C16orf96: variants seen among roughly 807,000 people sequenced by gnomAD.
The protein encoded by C16orf96 is uncharacterized protein C16orf96.
Under a neutral mutation model 103.6 loss-of-function variants are expected in C16orf96, and 108 were observed. That is an observed-to-expected ratio of 1.04 (90% confidence interval 0.89 to 1.22). The LOEUF (loss-of-function observed/expected upper bound fraction) is 1.22, where lower values mean the gene tolerates loss of function less well. Ranked by LOEUF, C16orf96 falls within the 50% of genes most tolerant of loss-of-function variation. The probability of loss-of-function intolerance (pLI) is 0.00; values close to 1 mark genes in which losing one functional copy is unlikely to be tolerated. For missense variants in C16orf96, 1,586 were observed against 1,464.2 expected, an observed-to-expected ratio of 1.08 and a Z score of -1.36; for synonymous variants, 566 against 593.5, an observed-to-expected ratio of 0.95 and a Z score of 0.67.
chr16:4,579,656 G>A (rs1028835005), intron 6 of C16orf96, among the ~76,000 whole-genome samples: 8 of 150,680 alleles, frequency 5.3e-5, no homozygotes, highest in Admixed American at 4.0e-4. Flanking sequence ...CTGTCATCCA[G>A]GCTGGAGTGC....
chr16:4,593,447 C>T lies in C16orf96; in HGVS notation c.2867+131C>T. ...AAGATTGTCCTGGACATGGCCAGCC[C>T]TTCGCAAGACAGGCACTCCGAGAGG... On this transcript the variant is annotated intron_variant, in intron 12 of 15. Transcript: ENST00000444310. The surrounding 1 kb of genome is among the most constrained non-coding windows in gnomAD (Gnocchi z 4.2). 1.1e-6 allele frequency: 1 copy of T among 901,114 alleles called. No individual in the cohort carries two copies. Among genetic ancestry groups the T allele is most frequent in the South Asian group, 1.6e-5 (1 of 64,118 alleles). 55.8% of individuals were successfully genotyped at this position (901,114 alleles called of 1,614,324 possible).
upstream of C16orf96, among the ~76,000 whole-genome samples, chr16:4,555,329 T>TG (rs71139640): frequency 0.63 from 95,211 of 150,534 alleles, 34,506 homozygotes; most frequent in East Asian, 0.88. Context: ...TGGAACACTG[T>TG]GGGGGGCCTT....
intron 7 of C16orf96, among the ~76,000 whole-genome samples, chr16:4,581,333 C>T (rs1206930217): frequency 4.1e-5 from 6 of 147,548 alleles, no homozygotes; most frequent in Admixed American, 1.4e-4. Context: ...GAAACTCTGT[C>T]TCAAAAAAAA....
chr16:4,559,705 G>C (rs1298635234), intron 1 of C16orf96, among the ~76,000 whole-genome samples: 3 of 152,060 alleles, frequency 2.0e-5, no homozygotes, highest in Non-Finnish European at 2.9e-5. Flanking sequence ...CCTCTATCTA[G>C]TTCTAAGCCA....
intron 1 of C16orf96, among the ~76,000 whole-genome samples, chr16:4,558,049 G>A (rs890747695): frequency 1.3e-5 from 2 of 152,182 alleles, no homozygotes. Context: ...AGGCACGCCC[G>A]GCCTAGCAGG....
In C16orf96 at chr16:4,600,363, G is replaced by C. The variant is rs181283127; in HGVS notation, c.*46G>C. 1.1e-5 allele frequency: 15 copies of C among 1,348,880 alleles called. No individual in the cohort carries two copies. Among genetic ancestry groups the C allele is most frequent in the Non-Finnish European group, 1.4e-5 (14 of 996,174 alleles). The allele number at this position is 1,348,880 out of a possible 1,614,324, so 83.6% of individuals were successfully genotyped here. On this transcript the variant is annotated 3_prime_UTR_variant, in exon 16 of 16. Coordinates refer to ENST00000444310, the MANE Select transcript of C16orf96 (RefSeq NM_001145011.2). ...CCATCGCCAAGTCCCCTCCACGTCC[G>C]AGGCTGAGGCCCATGTGGCCCTCCC...
Position 4,593,864 on chromosome 16 carries a change from G to A in C16orf96, c.2868-487G>A, listed in dbSNP as rs973207667. Among the ~76,000 whole-genome samples, 9 of 152,116 alleles carry A rather than the reference G, an allele frequency of 5.9e-5. No homozygotes were observed. The highest frequency in any genetic ancestry group is 2.0e-4 in the Admixed American group (3 of 15,268). ...CCAGGGCTGATGTCCAAACCCTCAG[G>A]TTTCCACCGCACCCAGCTGGCTCCC... On this transcript the variant is annotated intron_variant, in intron 12 of 15. Transcript: ENST00000444310. The surrounding 1 kb of genome is among the most constrained non-coding windows in gnomAD (Gnocchi z 4.2).
intron 7 of C16orf96, among the ~76,000 whole-genome samples, chr16:4,580,542 A>G (rs1424084486): frequency 2.6e-5 from 4 of 152,146 alleles, no homozygotes; most frequent in Non-Finnish European, 4.4e-5. Context: ...AAATAAAAAA[A>G]TAATAATAAA....
intron 5 of C16orf96, 115 bp downstream of exon 5, chr16:4,576,750 T>C (rs2059515481): frequency 1.9e-6 from 2 of 1,026,946 alleles, no homozygotes; most frequent in African/African-American, 1.6e-5. Context: ...CATTCCACCA[T>C]TAGCCATTCT....
Position 4,600,180 on chromosome 16 carries a change from C to T in C16orf96, c.3289C>T (p.Pro1097Ser). The T allele has an allele frequency of 6.4e-7, 1 of 1,551,632 alleles. No individual in the cohort carries two copies. The highest frequency in any genetic ancestry group is 1.2e-5 in the South Asian group (1 of 84,066). The change falls in exon 16 of 16, where the codon CCT (proline) becomes TCT (serine). Residue 1097 changes from proline (P) to serine (S), a missense_variant. By Grantham distance (74) the Pro-to-Ser change is moderately conservative. Coordinates refer to ENST00000444310, the MANE Select transcript of C16orf96 (RefSeq NM_001145011.2). ...TMPARPPSLP[P>S]LLLLPPLIPS... ...GCCAGCTCGACCACCTTCCCTGCCA[C>T]CTCTGCTGCTGCTGCCACCGCTGAT... is the stretch of plus-strand genomic sequence containing the variant.
At chr16:4,541,480 G>A in the C16orf96 span, among the ~76,000 whole-genome samples, 1 of 152,140 alleles carries the variant, frequency 6.6e-6, no homozygotes. Context: ...AGGCTGAGGT[G>A]GGAGGATCCC....
intron 9 of C16orf96, among the ~76,000 whole-genome samples, chr16:4,590,051 G>A (rs1197280279): frequency 2.0e-5 from 3 of 151,994 alleles, no homozygotes; most frequent in African/African-American, 7.3e-5. Context: ...GCCTGAACCC[G>A]GGAGGCAGAG....
intron 7 of C16orf96, among the ~76,000 whole-genome samples, chr16:4,580,714 C>T (rs1173704467): frequency 4.0e-5 from 6 of 151,890 alleles, no homozygotes; most frequent in South Asian, 4.2e-4. Context: ...GGACTGGGCG[C>T]GGTGGTTCAC....
At chr16:4,566,310 A>G (rs1014724965) in intron 1 of C16orf96, among the ~76,000 whole-genome samples, 5 of 152,218 alleles carry the variant, frequency 3.3e-5, no homozygotes, top group African/African-American at 1.2e-4. Context: ...GTGTATGAGA[A>G]TTACGATTTC....
chr16:4,542,288 C>G, the C16orf96 span, among the ~76,000 whole-genome samples: 1 of 150,902 alleles, frequency 6.6e-6, no homozygotes. Flanking sequence ...TCACTTGAGC[C>G]CAGGAGTTTG....
intron 5 of C16orf96, among the ~76,000 whole-genome samples, chr16:4,576,918 G>A (rs1174373761): frequency 6.6e-6 from 1 of 152,200 alleles, no homozygotes; most frequent in Non-Finnish European, 1.5e-5. Context: ...GTGGCCAGGC[G>A]TGGTGGCTCC....
At chr16:4,584,819 C>T (rs979163356) in intron 7 of C16orf96, among the ~76,000 whole-genome samples, 1 of 151,632 alleles carries the variant, frequency 6.6e-6, no homozygotes, top group Non-Finnish European at 1.5e-5. Context: ...CAGGCGTGAG[C>T]CACCGTGCCC....
intron 7 of C16orf96, 67 bp from the exon 8 acceptor site, chr16:4,586,972 T>G: frequency 4.3e-6 from 6 of 1,383,738 alleles, no homozygotes; most frequent in Non-Finnish European, 6.0e-6. Context: ...ATGGTAGAGG[T>G]GGGAGGTTGA....
chr16:4,571,796 C>T, intron 2 of C16orf96, 131 bp downstream of exon 2: 1 of 728,114 alleles, frequency 1.4e-6, no homozygotes, highest in East Asian at 2.8e-5. Context: ...TCATGTGGAC[C>T]CTCCAATTGG....
Sources: allele counts gnomAD v4.1 joint callset (sites outside exome capture counted in the v4.1 genomes callset), GRCh38; gene constraint gnomAD v4.1.1; non-coding constraint Gnocchi (gnomAD v3.1); transcripts MANE v1.5; gene names NCBI Gene and HGNC (gene_info 2026-07-23, HGNC 2026-07-21).